Variants in SLC35F3 observed in about 807,000 individuals in gnomAD.
SLC35F3 encodes the protein solute carrier family 35 member F3.
Under a neutral mutation model 49.9 loss-of-function variants are expected in SLC35F3, and 25 were observed. That is an observed-to-expected ratio of 0.50 (90% confidence interval 0.37 to 0.70). The LOEUF (loss-of-function observed/expected upper bound fraction) is 0.70, where lower values mean the gene tolerates loss of function less well. Ranked by LOEUF, SLC35F3 falls within the 30% of genes least tolerant of loss-of-function variation. The pLI is 0.00. For synonymous variants in SLC35F3, 275 were observed against 265.4 expected (o/e 1.04, Z -0.35); for missense variants, 525 against 639.8 (o/e 0.82, Z 1.94).
intron 2 of SLC35F3, among the ~76,000 whole-genome samples, chr1:234,208,379 A>G (rs1162722610): frequency 6.6e-6 from 1 of 152,230 alleles, no homozygotes; most frequent in Non-Finnish European, 1.5e-5. Flanking sequence ...ACAAGAGGCT[A>G]TTTGTACAAC....
chr1:233,923,939 A>G (rs1303915307), intron 2 of SLC35F3, among the ~76,000 whole-genome samples: 1 of 152,148 alleles, frequency 6.6e-6, no homozygotes, highest in Non-Finnish European at 1.5e-5. Flanking sequence ...TAAGTGATGG[A>G]TTACGTTTGT....
At chr1:234,181,110 A>G (rs1227488052) in intron 2 of SLC35F3, among the ~76,000 whole-genome samples, 1 of 152,162 alleles carries the variant, frequency 6.6e-6, no homozygotes, top group Non-Finnish European at 1.5e-5. Flanking sequence ...AGATGGGTGG[A>G]TCACTTGCAG....
intron 2 of SLC35F3, among the ~76,000 whole-genome samples, chr1:234,044,519 A>C (rs575994737): frequency 2.0e-5 from 3 of 152,320 alleles, no homozygotes; most frequent in African/African-American, 7.2e-5. Context: ...GATATTGCCA[A>C]ATTGCTGTGC....
At chr1:234,149,950 A>G (rs962308196) in intron 2 of SLC35F3, among the ~76,000 whole-genome samples, 2 of 152,232 alleles carry the variant, frequency 1.3e-5, no homozygotes, top group South Asian at 4.1e-4. Context: ...TTAATGTGCT[A>G]CAGGATGCAT....
intron 2 of SLC35F3, among the ~76,000 whole-genome samples, chr1:234,063,992 A>T (rs76734944): frequency 0.074 from 11,303 of 152,146 alleles, 667 homozygotes; most frequent in East Asian, 0.25. Flanking sequence ...CTGGAATGAA[A>T]TCTCCATCTC....
At chr1:234,109,809 G>T (rs762545331) in intron 2 of SLC35F3, among the ~76,000 whole-genome samples, 1 of 152,116 alleles carries the variant, frequency 6.6e-6, no homozygotes, top group Non-Finnish European at 1.5e-5. Flanking sequence ...GATGCCACCT[G>T]GGCTCTGAAG....
chr1:234,058,323 C>T (rs1461537156), intron 2 of SLC35F3, among the ~76,000 whole-genome samples: 1 of 114,214 alleles, frequency 8.8e-6, no homozygotes, highest in African/African-American at 4.5e-5. Context: ...TATAAATGTT[C>T]CTGAATTTTT....
chr1:234,161,228 T>C (rs774590009), intron 2 of SLC35F3, among the ~76,000 whole-genome samples: 14 of 152,342 alleles, frequency 9.2e-5, no homozygotes, highest in Non-Finnish European at 1.8e-4. Flanking sequence ...TATCTCACAA[T>C]GGCCTTCCGA....
intron 2 of SLC35F3, among the ~76,000 whole-genome samples, chr1:234,036,654 T>G (rs963529944): frequency 6.6e-6 from 1 of 152,234 alleles, no homozygotes; most frequent in Non-Finnish European, 1.5e-5. Context: ...TCCAGTCTTT[T>G]GTCAGTGTCG....
intron 2 of SLC35F3, among the ~76,000 whole-genome samples, chr1:234,034,542 C>T (rs1469874934): frequency 6.6e-6 from 1 of 152,052 alleles, no homozygotes; most frequent in Non-Finnish European, 1.5e-5. Context: ...TTTTTTGAGA[C>T]AGAGTCAATG....
Position 234,105,226 on chromosome 1 carries a change from A to G in SLC35F3, c.284-126191A>G, listed in dbSNP as rs150214612. On this transcript the variant is annotated intron_variant, in intron 2 of 7. Transcript: ENST00000366618. ...TTCCCACGAAAAGGAATATTCTCCA[A>G]TTCTCTTTCTGATTTGTCCAAGGAG... Among the ~76,000 whole-genome samples, 565 of 152,184 alleles carry G rather than the reference A, an allele frequency of 3.7e-3. 8 individuals are homozygous for G. Among genetic ancestry groups the G allele is most frequent in the African/African-American group, 0.013 (539 of 41,516 alleles).
At chr1:234,175,026 T>G (rs1025491590) in intron 2 of SLC35F3, among the ~76,000 whole-genome samples, 1 of 152,264 alleles carries the variant, frequency 6.6e-6, no homozygotes, top group Non-Finnish European at 1.5e-5. Flanking sequence ...CAGATTTTGC[T>G]GCTGATTCCC....
In SLC35F3 at chr1:234,284,751, C is replaced by A. The variant is rs563253077; in HGVS notation, c.609-24350C>A. Among the ~76,000 whole-genome samples, 29 of 152,264 alleles carry A rather than the reference C, an allele frequency of 1.9e-4. 1 individual carries two copies. The East Asian group carries it at 4.6e-3, about 24-fold the overall frequency. On this transcript the variant is annotated intron_variant, in intron 3 of 7. Coordinates refer to ENST00000366618, the MANE Select transcript of SLC35F3 (RefSeq NM_173508.4). ...AGGTAACTCGTTCTGAATGATGATG[C>A]TCCGGGGTATCAACAGAACTAGCAA...
At chr1:234,096,590 C>T (rs1162721317) in intron 2 of SLC35F3, among the ~76,000 whole-genome samples, 2 of 152,168 alleles carry the variant, frequency 1.3e-5, no homozygotes, top group Admixed American at 6.5e-5. Context: ...ACAAATTGTT[C>T]TGCATAGCTG....
At chr1:233,994,462 G>C (rs543750039) in intron 2 of SLC35F3, among the ~76,000 whole-genome samples, 3 of 151,932 alleles carry the variant, frequency 2.0e-5, no homozygotes, top group Admixed American at 6.6e-5. Flanking sequence ...TCAGAGTGTG[G>C]TGTGTATCAG....
intron 2 of SLC35F3, among the ~76,000 whole-genome samples, chr1:233,958,818 A>G (rs2102809737): frequency 6.6e-6 from 1 of 152,384 alleles, no homozygotes; most frequent in South Asian, 2.1e-4. Context: ...AGAAAAAGAC[A>G]AACAAGTTCT....
At chr1:234,115,481 T>G (rs1665472152) in intron 2 of SLC35F3, among the ~76,000 whole-genome samples, 3 of 152,196 alleles carry the variant, frequency 2.0e-5, no homozygotes, top group Admixed American at 2.0e-4. Flanking sequence ...AGCTTCCCTT[T>G]TGGCCTCTTC....
chr1:233,942,653 A>G (rs967304327), intron 2 of SLC35F3, among the ~76,000 whole-genome samples: 1 of 152,160 alleles, frequency 6.6e-6, no homozygotes, highest in African/African-American at 2.4e-5. Flanking sequence ...GGCTCAAGCA[A>G]TCTGCCCGCC....
chr1:234,056,630 G>C (rs544379848), intron 2 of SLC35F3, among the ~76,000 whole-genome samples: 1 of 152,256 alleles, frequency 6.6e-6, no homozygotes, highest in African/African-American at 2.4e-5. Flanking sequence ...GTGGTCTTTT[G>C]TGAACATCTT....
Sources: gnomAD v4.1 joint callset for allele counts (sites outside exome capture counted in the v4.1 genomes callset) on GRCh38, gnomAD v4.1.1 for gene constraint, MANE v1.5 for transcripts, NCBI Gene and HGNC (gene_info 2026-07-23, HGNC 2026-07-21) for gene names.